ATP8B4: variants seen among roughly 807,000 people sequenced by gnomAD.
ATP8B4 encodes ATPase phospholipid transporting 8B4 (putative), also known as probable phospholipid-transporting ATPase IM.
ATP8B4 carries 133 observed loss-of-function variants against 145.6 expected under a neutral mutation model. That is an observed-to-expected ratio of 0.91 (90% CI 0.79 to 1.05). The LOEUF is 1.05. Among genes scored for constraint, ATP8B4 ranks in the 50% least tolerant of loss-of-function variants. The pLI, the probability that ATP8B4 is intolerant of heterozygous loss-of-function variation, is 0.00. For synonymous variants in ATP8B4, 507 were observed against 492.9 expected, an observed-to-expected ratio of 1.03 and a Z score of -0.38; for missense variants, 1,458 against 1,425.2, an observed-to-expected ratio of 1.02 and a Z score of -0.37.
intron 2 of ATP8B4, among the ~76,000 whole-genome samples, chr15:50,103,650 A>G (rs1433288121): frequency 6.6e-6 from 1 of 152,200 alleles, no homozygotes; most frequent in Non-Finnish European, 1.5e-5. Context: ...AAAAATGACT[A>G]TACTGCCAAA....
intron 3 of ATP8B4, among the ~76,000 whole-genome samples, chr15:50,063,812 T>C (rs75245063): frequency 0.016 from 2,478 of 152,270 alleles, 70 homozygotes; most frequent in African/African-American, 0.057. Context: ...GATGAATTTG[T>C]GTTTGATATT....
At chr15:49,924,050 T>A (rs2040493646) in intron 16 of ATP8B4, among the ~76,000 whole-genome samples, 1 of 152,166 alleles carries the variant, frequency 6.6e-6, no homozygotes, top group Non-Finnish European at 1.5e-5. Flanking sequence ...CAATTCTGGC[T>A]GAAAACACAC....
intron 2 of ATP8B4, among the ~76,000 whole-genome samples, chr15:50,086,991 T>C (rs571208082): frequency 2.2e-3 from 239 of 108,300 alleles, no homozygotes; most frequent in African/African-American, 9.3e-3. Flanking sequence ...TTATTATATA[T>C]AATAAAATAA....
At position 49,866,584 on chromosome 15, in the gene ATP8B4, T is replaced by C. The variant is rs954850015; in HGVS notation, c.3028-100A>G. 1.2e-5 allele frequency: 17 copies of C among 1,445,970 alleles called. No individual in the cohort carries two copies. In the African/African-American group the frequency reaches 2.3e-4, roughly 19 times the overall value. 89.6% of individuals were successfully genotyped at this position (1,445,970 alleles called of 1,614,324 possible). ...CGAGAACTGCCCTGTGGCAGGAAGT[T>C]TGCACCTGCCTAGTTGCCAAGCCAA... On this transcript the variant is annotated intron_variant, in intron 25 of 27. Transcript: ENST00000284509.
chr15:49,924,872 A>G (rs979346152), intron 16 of ATP8B4, among the ~76,000 whole-genome samples: 8 of 152,134 alleles, frequency 5.3e-5, no homozygotes, highest in Non-Finnish European at 1.0e-4. Context: ...CCAGGGGGGG[A>G]AACTTAATCC....
intron 1 of ATP8B4, among the ~76,000 whole-genome samples, chr15:50,161,819 C>A (rs1295382095): frequency 6.6e-6 from 1 of 151,950 alleles, no homozygotes; most frequent in East Asian, 1.9e-4. Flanking sequence ...TTGTAATATT[C>A]TGTGTTTTTC....
chr15:50,036,678 GT>G (rs1262505446), intron 6 of ATP8B4, among the ~76,000 whole-genome samples: 1 of 152,156 alleles, frequency 6.6e-6, no homozygotes, highest in Non-Finnish European at 1.5e-5. Flanking sequence ...GCAAGGACTT[GT>G]TACAGCATAG....
intron 2 of ATP8B4, among the ~76,000 whole-genome samples, chr15:50,099,063 C>T (rs1029952044): frequency 2.6e-5 from 4 of 152,130 alleles, no homozygotes; most frequent in African/African-American, 9.7e-5. Context: ...ATTCATCCTA[C>T]CCTACACCCC....
chr15:50,039,778 C>G (rs1403858827), intron 5 of ATP8B4, among the ~76,000 whole-genome samples: 1 of 152,114 alleles, frequency 6.6e-6, no homozygotes, highest in Non-Finnish European at 1.5e-5. Flanking sequence ...AATGCTTCAA[C>G]CAGCCCTTTT....
At chr15:50,073,428 T>C (rs2053979872) in intron 3 of ATP8B4, among the ~76,000 whole-genome samples, 1 of 152,190 alleles carries the variant, frequency 6.6e-6, no homozygotes, top group Non-Finnish European at 1.5e-5. Flanking sequence ...TTCTTTTTTA[T>C]AGGTGCATAG....
intron 1 of ATP8B4, among the ~76,000 whole-genome samples, chr15:50,162,820 TTTC>T (rs1303065728): frequency 6.6e-6 from 1 of 152,202 alleles, no homozygotes; most frequent in Non-Finnish European, 1.5e-5. Flanking sequence ...TTTTGTTTTT[TTTC>T]TTGTTTCCTC....
At chr15:50,134,057 A>G (rs2044087608) in intron 1 of ATP8B4, among the ~76,000 whole-genome samples, 1 of 152,196 alleles carries the variant, frequency 6.6e-6, no homozygotes, top group Non-Finnish European at 1.5e-5. Flanking sequence ...CTATTTCACA[A>G]TGTATATGTA....
In ATP8B4 at chr15:50,129,946, CAAAA is replaced by C. The variant is rs59921497; in HGVS notation, c.-42-22942_-42-22939del. Among the ~76,000 whole-genome samples the C allele has an allele frequency of 3.1e-4, 27 of 88,114 alleles. No individual in the cohort carries two copies. The East Asian group carries it at 5.1e-3, about 16-fold the overall frequency. The allele number at this position is 88,114 out of a possible 152,430, so 57.8% of individuals were successfully genotyped here. A position where few individuals can be genotyped will look rare whatever the true frequency, so the allele number is the denominator to read the frequency against. ...CTGGTGACAGAGCAAGACTCTGACT[CAAAA>C]AAAAAAAAAAAAAAAAAAAGAAAGA... On this transcript the variant is annotated intron_variant, in intron 1 of 3. Transcript: ENST00000558829.
intron 14 of ATP8B4, among the ~76,000 whole-genome samples, chr15:49,948,711 T>C (rs897324250): frequency 1.3e-5 from 2 of 152,218 alleles, no homozygotes; most frequent in Non-Finnish European, 2.9e-5. Context: ...CTTTGTCAGA[T>C]GGGTAGATTG....
intron 1 of ATP8B4, among the ~76,000 whole-genome samples, chr15:50,147,330 C>A (rs1397483946): frequency 5.3e-5 from 8 of 149,760 alleles, no homozygotes; most frequent in Non-Finnish European, 1.2e-4. Flanking sequence ...GCATGAGAAT[C>A]GCTTGAACTG....
intron 20 of ATP8B4, 105 bp from the exon 21 acceptor site, chr15:49,901,344 A>G (rs926014692): frequency 2.6e-5 from 32 of 1,230,610 alleles, no homozygotes; most frequent in Non-Finnish European, 3.4e-5. Context: ...ACCACTATTC[A>G]GAGAGAATAT....
intron 1 of ATP8B4, among the ~76,000 whole-genome samples, chr15:50,142,279 T>C (rs1372330825): frequency 6.6e-6 from 1 of 152,188 alleles, no homozygotes; most frequent in Non-Finnish European, 1.5e-5. Context: ...ATGTTCATTT[T>C]TTATGAATAG....
chr15:50,034,484 C>T (rs1395666099), intron 6 of ATP8B4, among the ~76,000 whole-genome samples: 1 of 152,138 alleles, frequency 6.6e-6, no homozygotes, highest in Admixed American at 6.5e-5. Context: ...CCTTCTCAGC[C>T]TCCCAAAGTG....
intron 1 of ATP8B4, among the ~76,000 whole-genome samples, chr15:50,172,443 G>T (rs2044691119): frequency 6.6e-6 from 1 of 152,266 alleles, no homozygotes. Context: ...CTCACACAGT[G>T]CTCAATGTTG....
Sources: allele counts gnomAD v4.1 joint callset (sites outside exome capture counted in the v4.1 genomes callset), GRCh38; gene constraint gnomAD v4.1.1; transcripts MANE v1.5; gene names NCBI Gene and HGNC (gene_info 2026-07-23, HGNC 2026-07-21).